Variants in SPRY3 observed in about 807,000 individuals in gnomAD.
SPRY3 encodes sprouty RTK signaling antagonist 3.
SPRY3 carries 15 observed loss-of-function variants against 20.2 expected under a neutral mutation model. That is an observed-to-expected ratio of 0.74 (90% CI 0.50 to 1.14). The LOEUF is 1.14. Ranked by LOEUF, SPRY3 falls within the 50% of genes most tolerant of loss-of-function variation. SPRY3 has a pLI of 0.00. For synonymous variants in SPRY3, 143 were observed against 136.5 expected (o/e 1.05, Z -0.33); for missense variants, 364 against 363.9 (o/e 1.00, Z 0.00).
chrX:155,614,759 C>CTG (rs1425878093), intron 1 of SPRY3, among the ~76,000 whole-genome samples: 9 of 111,238 alleles, frequency 8.1e-5, no homozygotes, highest in African/African-American at 2.9e-4. Flanking sequence ...TGTTTCCTCT[C>CTG]TCTGTGTGTG....
chrX:155,749,067 CA>C (rs1338345055), intron 2 of SPRY3, among the ~76,000 whole-genome samples: 1 of 151,922 alleles, frequency 6.6e-6, no homozygotes, highest in Non-Finnish European at 1.5e-5. Context: ...TTTTCACACT[CA>C]ATCACACAAT....
At chrX:155,712,117 T>C (rs2090991215) in intron 2 of SPRY3, among the ~76,000 whole-genome samples, 1 of 151,990 alleles carries the variant, frequency 6.6e-6, no homozygotes. Flanking sequence ...TAACATATGA[T>C]CTATCATTGT....
At chrX:155,731,313 C>T (rs896042806) in intron 2 of SPRY3, among the ~76,000 whole-genome samples, 31 of 151,904 alleles carry the variant, frequency 2.0e-4, no homozygotes, top group African/African-American at 3.1e-4. Context: ...AAAGCAGATA[C>T]GTAAACCAAA....
At chrX:155,774,663 G>A (rs200151787) in exon 4 of SPRY3, 14 of 1,613,848 alleles carry the variant, frequency 8.7e-6, no homozygotes, top group Middle Eastern at 1.6e-4. Flanking sequence ...GCTGCAAGAG[G>A]CACACCAACA....
chrX:155,712,410 C>A (rs1453243382), intron 2 of SPRY3, among the ~76,000 whole-genome samples: 1 of 151,928 alleles, frequency 6.6e-6, no homozygotes, highest in African/African-American at 2.4e-5. Context: ...TGTTCTCTTG[C>A]TGAATTGGCC....
chrX:155,766,984 C>G (rs1202980670), intron 2 of SPRY3, among the ~76,000 whole-genome samples: 1 of 152,020 alleles, frequency 6.6e-6, no homozygotes, highest in East Asian at 1.9e-4. Flanking sequence ...TGCAATCACT[C>G]GGCACAGGCT....
At chrX:155,763,989 A>T (rs1166279784) in intron 2 of SPRY3, among the ~76,000 whole-genome samples, 1 of 152,228 alleles carries the variant, frequency 6.6e-6, no homozygotes, top group Non-Finnish European at 1.5e-5. Context: ...AAACAGACTT[A>T]GTAAAGAAGA....
At chrX:155,757,571 A>G (rs958399523) in intron 2 of SPRY3, among the ~76,000 whole-genome samples, 7 of 152,136 alleles carry the variant, frequency 4.6e-5, no homozygotes, top group Admixed American at 4.6e-4. Context: ...CCATCACCCC[A>G]GGCAAGGAGA....
intron 2 of SPRY3, among the ~76,000 whole-genome samples, chrX:155,764,908 T>C (rs760517013): frequency 1.3e-5 from 2 of 152,334 alleles, no homozygotes; most frequent in African/African-American, 2.4e-5. Flanking sequence ...AATGTATTTC[T>C]TACAGTTGTA....
At chrX:155,727,089 TG>T (rs1569388113) in intron 2 of SPRY3, among the ~76,000 whole-genome samples, 1 of 152,180 alleles carries the variant, frequency 6.6e-6, no homozygotes, top group Non-Finnish European at 1.5e-5. Context: ...TAAGAAACTC[TG>T]GGTTGAAAAT....
intron 2 of SPRY3, among the ~76,000 whole-genome samples, chrX:155,752,529 A>T (rs2742288): frequency 0.51 from 76,514 of 150,764 alleles, 18,702 homozygotes; most frequent in African/African-American, 0.58. Context: ...ATATATATAT[A>T]ACTATTGATA....
chrX:155,772,102 A>T (rs1238999878), intron 3 of SPRY3, among the ~76,000 whole-genome samples: 2 of 152,210 alleles, frequency 1.3e-5, no homozygotes, highest in African/African-American at 4.8e-5. Context: ...GCATTCTCTT[A>T]TGCTGCATTT....
intron 1 of SPRY3, among the ~76,000 whole-genome samples, chrX:155,613,857 AC>A (rs1415766653): frequency 1.4e-4 from 16 of 111,380 alleles, no homozygotes; most frequent in Non-Finnish European, 2.6e-4. Flanking sequence ...CCTCAAGAGT[AC>A]CACTTACTCT....
Position 155,712,414 on chromosome X carries a change from A to G in SPRY3, c.-282+55389A>G, listed in dbSNP as rs1029442171. Among the ~76,000 whole-genome samples the G allele has an allele frequency of 3.3e-5, 5 of 152,038 alleles. No homozygotes were observed. In the East Asian group the frequency reaches 9.6e-4, roughly 29 times the overall value. On this transcript the variant is annotated intron_variant, in intron 2 of 3. Transcript: ENST00000675360. ...ATTTACAATCATGTTCTCTTGCTGA[A>G]TTGGCCCCATAATCATTATATGATG...
chrX:155,733,967 T>A (rs1045548242), intron 2 of SPRY3, among the ~76,000 whole-genome samples: 15 of 152,260 alleles, frequency 9.9e-5, no homozygotes, highest in Non-Finnish European at 2.1e-4. Context: ...GGATTTGGCT[T>A]AATGGAATAT....
chrX:155,746,906 A>G (rs1411845003), intron 2 of SPRY3, among the ~76,000 whole-genome samples: 1 of 151,888 alleles, frequency 6.6e-6, no homozygotes, highest in Non-Finnish European at 1.5e-5. Flanking sequence ...TCCAGGTACT[A>G]TATGTTTCTA....
intron 3 of SPRY3, among the ~76,000 whole-genome samples, chrX:155,770,191 C>G (rs1372824016): frequency 1.3e-5 from 2 of 152,140 alleles, no homozygotes; most frequent in Non-Finnish European, 2.9e-5. Context: ...TCTTTGAAAT[C>G]AACGTTGAGT....
At chrX:155,675,852 T>C (rs1557355191) in intron 2 of SPRY3, among the ~76,000 whole-genome samples, 1 of 111,808 alleles carries the variant, frequency 8.9e-6, no homozygotes, top group Non-Finnish European at 1.9e-5. Context: ...AGTAACTTAA[T>C]TTGGATCCTT....
chrX:155,659,286 A>G (rs2068002899), intron 2 of SPRY3, among the ~76,000 whole-genome samples: 1 of 110,010 alleles, frequency 9.1e-6, no homozygotes, highest in African/African-American at 3.3e-5. Context: ...CTGGGACTAC[A>G]GGTGTCTGCC....
Sources: allele counts gnomAD v4.1 joint callset (sites outside exome capture counted in the v4.1 genomes callset), GRCh38; gene constraint gnomAD v4.1.1; transcripts MANE v1.5; gene names NCBI Gene and HGNC (gene_info 2026-07-23, HGNC 2026-07-21).